The following PKHD1 variants were observed in gnomAD, a reference collection of about 807,000 sequenced individuals.
The protein encoded by PKHD1 is PKHD1 ciliary IPT domain containing fibrocystin/polyductin, also known as fibrocystin.
In PKHD1, 291 loss-of-function variants were observed where a neutral mutation model predicts 412.0. The ratio of observed to expected loss-of-function variants is 0.71; its 90% confidence interval spans 0.64 to 0.78. The LOEUF (loss-of-function observed/expected upper bound fraction) is 0.78, where lower values mean the gene tolerates loss of function less well. Ranked by LOEUF, PKHD1 falls within the 30% of genes least tolerant of loss-of-function variation. The probability of loss-of-function intolerance (pLI) is 0.00; values close to 1 mark genes in which losing one functional copy is unlikely to be tolerated. For synonymous variants in PKHD1, 1,777 were observed against 1,821.5 expected (o/e 0.98, Z 0.62); for missense variants, 4,825 against 4,950.7 (o/e 0.97, Z 0.76).
In PKHD1 at chr6:51,867,891, C is replaced by T. The variant is rs1775337308; in HGVS notation, c.7705G>A (p.Val2569Ile). Residue 2569 changes from valine (V) to isoleucine (I), a missense_variant, in exon 48 of 67, where the codon GTT becomes ATT. Val to Ile is a conservative substitution (Grantham distance 29, BLOSUM62 3). Transcript: ENST00000371117. ...VVHGSACGGG[V>I]LFHRMSIGLA... ...CCAATAGACATACGATGAAAAAGAACACCTCCTCCACAGGCACTGCCATGG... is the reference window on the plus strand; with the variant it reads ...CCAATAGACATACGATGAAAAAGAATACCTCCTCCACAGGCACTGCCATGG... 1.2e-6 allele frequency: 2 copies of T among 1,613,358 alleles called. No individual in the cohort carries two copies. Among genetic ancestry groups the T allele is most frequent in the Middle Eastern group, 1.6e-4 (1 of 6,062 alleles).
Position 51,868,185 on chromosome 6 carries a change from G to T in PKHD1, c.7487-76C>A. 4.8e-6 allele frequency: 6 copies of T among 1,255,082 alleles called. No individual in the cohort carries two copies. The South Asian group carries it at 6.1e-5, about 13-fold the overall frequency. The allele number at this position is 1,255,082 out of a possible 1,614,324, so 77.7% of individuals were successfully genotyped here. A position where few individuals can be genotyped will look rare whatever the true frequency, so the allele number is the denominator to read the frequency against. On this transcript the variant is annotated intron_variant, in intron 47 of 66. Transcript: ENST00000371117. ...TAAATTCACTGGAGTGATGGTCTTA[G>T]GATTTAAATTGCATATTTATCTAGT...
At chr6:51,747,552 T>A (rs1252608706) in intron 58 of PKHD1, among the ~76,000 whole-genome samples, 2 of 152,156 alleles carry the variant, frequency 1.3e-5, no homozygotes, top group Non-Finnish European at 2.9e-5. Flanking sequence ...ATATTCAAAT[T>A]TTTTAAATTT....
intron 37 of PKHD1, among the ~76,000 whole-genome samples, chr6:51,913,845 A>T (rs1214508392): frequency 6.6e-6 from 1 of 152,138 alleles, no homozygotes; most frequent in Non-Finnish European, 1.5e-5. Flanking sequence ...TGTCTTAAAA[A>T]AATGTACAGA....
At chr6:51,764,040 G>A (rs188549392) in intron 55 of PKHD1, among the ~76,000 whole-genome samples, 9 of 149,210 alleles carry the variant, frequency 6.0e-5, no homozygotes, top group East Asian at 2.0e-4. Context: ...ATGCTGGTGC[G>A]CTGCACCCAC....
At chr6:51,949,809 C>T (rs1238265786) in intron 36 of PKHD1, among the ~76,000 whole-genome samples, 1 of 152,102 alleles carries the variant, frequency 6.6e-6, no homozygotes, top group Non-Finnish European at 1.5e-5. Context: ...CTCTGGCTGG[C>T]TACTAATTAA....
At chr6:51,690,159 C>G (rs1777961723) in intron 60 of PKHD1, among the ~76,000 whole-genome samples, 1 of 151,368 alleles carries the variant, frequency 6.6e-6, no homozygotes, top group South Asian at 2.1e-4. Context: ...GTAGACCCAG[C>G]TACTCCGGAG....
chr6:51,793,317 G>A (rs1794057065), intron 52 of PKHD1, among the ~76,000 whole-genome samples: 1 of 152,074 alleles, frequency 6.6e-6, no homozygotes, highest in African/African-American at 2.4e-5. Flanking sequence ...AAAAACAAGA[G>A]GGTTTTGCCT....
chr6:51,925,130 G>A (rs1785321207), intron 37 of PKHD1, among the ~76,000 whole-genome samples: 2 of 152,176 alleles, frequency 1.3e-5, no homozygotes, highest in Non-Finnish European at 2.9e-5. Context: ...ATGAGTGAGT[G>A]AGTACTCTAT....
chr6:51,842,098 G>A (rs2151588649), intron 50 of PKHD1, among the ~76,000 whole-genome samples: 1 of 152,294 alleles, frequency 6.6e-6, no homozygotes, highest in East Asian at 1.9e-4. Context: ...TGGTGAGGCG[G>A]ACATTTGGAC....
intron 49 of PKHD1, among the ~76,000 whole-genome samples, chr6:51,850,164 T>C (rs1411300266): frequency 6.6e-6 from 1 of 152,214 alleles, no homozygotes; most frequent in African/African-American, 2.4e-5. Context: ...CTTTCCCCAT[T>C]GCTTGTTTTT....
intron 22 of PKHD1, 69 bp downstream of exon 22, chr6:52,050,088 C>A (rs962425336): frequency 1.3e-6 from 2 of 1,514,164 alleles, no homozygotes; most frequent in African/African-American, 1.4e-5. Flanking sequence ...AAAAAAGTCA[C>A]ACCTGTGTCC....
chr6:52,080,129 C>A (rs564329987), intron 4 of PKHD1, 121 bp from the exon 5 acceptor site: 2 of 711,816 alleles, frequency 2.8e-6, no homozygotes, highest in African/African-American at 3.5e-5. Context: ...CAAGGATTCC[C>A]AGCAGTCACC....
intron 43 of PKHD1, among the ~76,000 whole-genome samples, chr6:51,889,127 G>T (rs1314586626): frequency 6.6e-6 from 1 of 151,986 alleles, no homozygotes; most frequent in Non-Finnish European, 1.5e-5. Context: ...TGATCACCTG[G>T]GGGTTTTCCA....
chr6:52,048,467 GT>G, intron 23 of PKHD1, 24 bp downstream of exon 23: 1 of 1,612,472 alleles, frequency 6.2e-7, no homozygotes, highest in Non-Finnish European at 8.5e-7. Context: ...AGTGAGAATT[GT>G]TGCAACCCCA....
chr6:52,009,837 G>A (rs899802322), intron 35 of PKHD1, among the ~76,000 whole-genome samples: 8 of 151,982 alleles, frequency 5.3e-5, no homozygotes, highest in African/African-American at 1.7e-4. Context: ...TGATGTCCAC[G>A]TAATCCCCTC....
chr6:51,620,569 C>G (rs1766478925), intron 66 of PKHD1, among the ~76,000 whole-genome samples: 1 of 152,138 alleles, frequency 6.6e-6, no homozygotes, highest in African/African-American at 2.4e-5. Flanking sequence ...AATACATTAA[C>G]CACGCATTTG....
chr6:51,823,857 A>G (rs973111899), intron 52 of PKHD1, among the ~76,000 whole-genome samples: 1 of 152,160 alleles, frequency 6.6e-6, no homozygotes, highest in Non-Finnish European at 1.5e-5. Context: ...ATTTGGGAGC[A>G]TCCGTTTGAA....
chr6:52,022,705 A>C, intron 33 of PKHD1, 96 bp downstream of exon 33: 2 of 1,228,916 alleles, frequency 1.6e-6, no homozygotes, highest in East Asian at 4.9e-5. Context: ...AGAAATTAGT[A>C]GTCAGTACAG....
chr6:52,028,001 T>C (rs1802480418), intron 30 of PKHD1, 105 bp from the exon 31 acceptor site: 2 of 1,165,646 alleles, frequency 1.7e-6, no homozygotes, highest in Non-Finnish European at 2.6e-6. Flanking sequence ...AAACTGTCTG[T>C]AAGTTCTCTA....
Sources: gnomAD v4.1 joint callset for allele counts (sites outside exome capture counted in the v4.1 genomes callset) on GRCh38, gnomAD v4.1.1 for gene constraint, MANE v1.5 for transcripts, NCBI Gene and HGNC (gene_info 2026-07-23, HGNC 2026-07-21) for gene names.